The following SHANK1 variants were observed in gnomAD, a reference collection of about 807,000 sequenced individuals.
SHANK1 encodes SH3 and multiple ankyrin repeat domains protein 1.
In SHANK1, 35 loss-of-function variants were observed where a neutral mutation model predicts 165.6. The observed-to-expected ratio is 0.21, with a 90% CI of 0.16 to 0.28. The LOEUF (loss-of-function observed/expected upper bound fraction) is 0.28, where lower values mean the gene tolerates loss of function less well. Ranked by LOEUF, SHANK1 falls within the 10% of genes least tolerant of loss-of-function variation. SHANK1 has a pLI of 1.00. For synonymous variants in SHANK1, 1,428 were observed against 1,384.8 expected (o/e 1.03, Z -0.69); for missense variants, 2,681 against 3,036.4 (o/e 0.88, Z 2.75).
In SHANK1 at chr19:50,699,295, G is replaced by A. The variant is rs190693631; in HGVS notation, c.1748-1339C>T. Among the ~76,000 whole-genome samples, 16 of 152,340 alleles carry A rather than the reference G, an allele frequency of 1.1e-4. No homozygotes were observed. The East Asian group carries it at 2.9e-3, about 28-fold the overall frequency. ...TGAGTCAGGTACCAGGGTAGACACTGTTGAATATAATCAATGTTGTTCCTT... is the reference window on the plus strand; with the variant it reads ...TGAGTCAGGTACCAGGGTAGACACTATTGAATATAATCAATGTTGTTCCTT... On this transcript the variant is annotated intron_variant, in intron 12 of 23. Transcript: ENST00000293441.
intron 21 of SHANK1, among the ~76,000 whole-genome samples, chr19:50,681,970 C>T (rs1266635138): frequency 2.0e-5 from 3 of 152,196 alleles, no homozygotes; most frequent in South Asian, 2.1e-4. Context: ...TCTCGAACTC[C>T]TGGCCTCAAG....
intron 8 of SHANK1, among the ~76,000 whole-genome samples, chr19:50,708,940 T>C (rs141986735): frequency 1.3e-3 from 193 of 152,132 alleles, no homozygotes; most frequent in African/African-American, 4.5e-3. Context: ...TAGACGGGCA[T>C]ATCAGGAGGC....
intron 4 of SHANK1, 85 bp from the exon 5 acceptor site, chr19:50,714,375 A>G: frequency 9.0e-7 from 1 of 1,115,258 alleles, no homozygotes. Flanking sequence ...CGTCCAGTGA[A>G]AATATACGTG....
At chr19:50,677,662 C>A (rs1265453066) in intron 21 of SHANK1, among the ~76,000 whole-genome samples, 1 of 152,140 alleles carries the variant, frequency 6.6e-6, no homozygotes, top group Non-Finnish European at 1.5e-5. Flanking sequence ...AGGAAGAACT[C>A]ATTGGAAGCA....
intron 1 of SHANK1, among the ~76,000 whole-genome samples, chr19:50,719,017 T>G (rs1442442787): frequency 4.0e-5 from 4 of 99,402 alleles, no homozygotes; most frequent in East Asian, 3.2e-4. Flanking sequence ...TGGAGGGGAG[T>G]GGGGACCAGG....
rs1357085756 is a variant in SHANK1, at chr19:50,719,697, G to C, written c.-335C>G. 6.8e-6 allele frequency among the ~76,000 whole-genome samples: 1 copy of C among 147,342 alleles called. No individual in the cohort carries two copies. Among genetic ancestry groups the C allele is most frequent in the Non-Finnish European group, 1.5e-5 (1 of 66,392 alleles). ...CTCGGTCCGGCCGGCTCCGGGCGCCGCGTCTCCGCCTGCTCTTCCTCCTCC... is the reference window on the plus strand; with the variant it reads ...CTCGGTCCGGCCGGCTCCGGGCGCCCCGTCTCCGCCTGCTCTTCCTCCTCC... On this transcript the variant is annotated 5_prime_UTR_variant, in exon 1 of 24. Transcript: ENST00000293441.
At chr19:50,703,940 A>C (rs769744455) in intron 10 of SHANK1, 110 bp from the exon 11 acceptor site, 11 of 726,268 alleles carry the variant, frequency 1.5e-5, no homozygotes, top group Non-Finnish European at 2.5e-5. Flanking sequence ...AGAAAGACAG[A>C]GATGAGAAAG....
intron 12 of SHANK1, among the ~76,000 whole-genome samples, chr19:50,698,385 A>G (rs1599862745): frequency 6.6e-6 from 1 of 152,148 alleles, no homozygotes; most frequent in African/African-American, 2.4e-5. Flanking sequence ...TTGCCACTTA[A>G]TCTTTAGTCC....
In SHANK1 at chr19:50,711,422, G is replaced by A. The variant is rs1322801584; in HGVS notation, c.1026C>T (p.Ala342=). 6.4e-7 allele frequency: 1 copy of A among 1,561,998 alleles called. No individual in the cohort carries two copies. Among genetic ancestry groups the A allele is most frequent in the Non-Finnish European group, 8.7e-7 (1 of 1,153,142 alleles). ...GAGCCGTGTTCCCCGAGGCGTTCTGGGCTCCAGGCTCAGCCCCGTAGAAAA... is the reference window on the plus strand; with the variant it reads ...GAGCCGTGTTCCCCGAGGCGTTCTGAGCTCCAGGCTCAGCCCCGTAGAAAA... ...HLLFYGAEPG[A]QNASGNTALH... The change falls in exon 8 of 24, where the codon GCC becomes GCT. Residue 342 remains alanine (A), a synonymous_variant. Transcript: ENST00000293441.
rs1461055656 is a variant in SHANK1 at position 50,662,244 on chromosome 19, C to G, written c.6207G>C (p.Leu2069Phe). ...GTGAGAGGGAGCGCGAGGCCCCTGACAAGGCTCCCCCGAGCCCCCCGGATA... is the reference window on the plus strand; with the variant it reads ...GTGAGAGGGAGCGCGAGGCCCCTGAGAAGGCTCCCCCGAGCCCCCCGGATA... ...PGISGGLGGA[L>F]SGASRSLSPT... is the part of the protein sequence containing the mutation. Residue 2069 changes from leucine (L) to phenylalanine (F), a missense_variant, in exon 24 of 24, where the codon TTG (leucine) becomes TTC (phenylalanine). Leu to Phe is a conservative substitution (Grantham distance 22, BLOSUM62 0). Coordinates refer to ENST00000293441, the MANE Select transcript of SHANK1 (RefSeq NM_016148.5). The surrounding 1 kb of genome is among the most constrained non-coding windows in gnomAD (Gnocchi z 7.7). 12 of 1,610,338 alleles carry G rather than the reference C, an allele frequency of 7.5e-6. No homozygotes were observed. The Admixed American group carries it at 1.8e-4, about 25-fold the overall frequency.
At chr19:50,682,414 A>G (rs1318014739) in intron 21 of SHANK1, among the ~76,000 whole-genome samples, 1 of 152,166 alleles carries the variant, frequency 6.6e-6, no homozygotes, top group African/African-American at 2.4e-5. Context: ...GCTGTGTTAC[A>G]GTTAACCTCA....
rs778018241 is a variant in SHANK1 at position 50,662,259 on chromosome 19, C to T, written c.6192G>A (p.Gly2064=). 17 of 1,610,492 alleles carry T rather than the reference C, an allele frequency of 1.1e-5. No individual in the cohort carries two copies. Among genetic ancestry groups the T allele is most frequent in the Admixed American group, 3.3e-5 (2 of 59,738 alleles). ...FVPPHPGISG[G]LGGALSGASR... Reference sequence around the variant, plus strand: ...AGGCCCCTGACAAGGCTCCCCCGAGCCCCCCGGATATCCCCGGGTGTGGCG... The same window carrying T: ...AGGCCCCTGACAAGGCTCCCCCGAGTCCCCCGGATATCCCCGGGTGTGGCG... Residue 2064 remains glycine (G), a synonymous_variant, in exon 24 of 24, where the codon GGG becomes GGA. Transcript: ENST00000293441. This position sits in a 1 kb window ranked among gnomAD's most constrained non-coding sequence, Gnocchi z 7.7.
At chr19:50,709,367 T>C (rs1268765296) in intron 8 of SHANK1, among the ~76,000 whole-genome samples, 1 of 152,030 alleles carries the variant, frequency 6.6e-6, no homozygotes, top group Non-Finnish European at 1.5e-5. Flanking sequence ...GGTCTCAATC[T>C]CCTGACCTAG....
At chr19:50,707,501 G>A (rs991248179) in intron 8 of SHANK1, among the ~76,000 whole-genome samples, 1 of 151,820 alleles carries the variant, frequency 6.6e-6, no homozygotes, top group Admixed American at 6.6e-5. Flanking sequence ...CAGATGCTAC[G>A]CCCAGGGCCA....
intron 21 of SHANK1, 57 bp from the exon 22 acceptor site, chr19:50,672,171 C>T (rs1034978013): frequency 1.0e-5 from 14 of 1,377,372 alleles, no homozygotes; most frequent in South Asian, 8.5e-5. Context: ...GATCAGTCAG[C>T]GCAGAAAGGC....
intron 21 of SHANK1, among the ~76,000 whole-genome samples, chr19:50,677,800 C>T (rs1209776236): frequency 1.3e-5 from 2 of 152,240 alleles, no homozygotes; most frequent in Non-Finnish European, 2.9e-5. Flanking sequence ...CGCCTGAAGG[C>T]ATCCCTGCTT....
intron 15 of SHANK1, among the ~76,000 whole-genome samples, chr19:50,693,549 G>T (rs1986612625): frequency 6.6e-6 from 1 of 151,670 alleles, no homozygotes; most frequent in Admixed American, 6.6e-5. Flanking sequence ...CACACACAGG[G>T]GCACTGCAGC....
At position 50,716,628 on chromosome 19, in the gene SHANK1, T is replaced by C. The variant is rs1599875765; in HGVS notation, c.255+37A>G. On this transcript the variant is annotated intron_variant, in intron 2 of 23. Transcript: ENST00000293441. The surrounding 1 kb of genome is among the most constrained non-coding windows in gnomAD (Gnocchi z 8.4). Reference sequence around the variant, plus strand: ...ACTCCCCATGTCGGTTGGGGCACTGTCCCTCTCCTGCCGCTGGCCAGTGGG... The same window carrying C: ...ACTCCCCATGTCGGTTGGGGCACTGCCCCTCTCCTGCCGCTGGCCAGTGGG... The C allele has an allele frequency of 6.4e-7, 1 of 1,552,370 alleles. No individual in the cohort carries two copies. Among genetic ancestry groups the C allele is most frequent in the Non-Finnish European group, 8.7e-7 (1 of 1,146,352 alleles).
chr19:50,673,382 C>G (rs1240186722), intron 21 of SHANK1, among the ~76,000 whole-genome samples: 1 of 152,282 alleles, frequency 6.6e-6, no homozygotes, highest in African/African-American at 2.4e-5. Flanking sequence ...CCTCCACCCC[C>G]ACCTCTTCCT....
Sources: gnomAD v4.1 joint callset for allele counts (sites outside exome capture counted in the v4.1 genomes callset) on GRCh38, gnomAD v4.1.1 for gene constraint, Gnocchi (gnomAD v3.1) non-coding constraint, MANE v1.5 for transcripts, NCBI Gene and HGNC (gene_info 2026-07-23, HGNC 2026-07-21) for gene names.